Variants in NBAS observed in about 807,000 individuals in gnomAD.
The protein encoded by NBAS is NBAS subunit of NRZ tethering complex, also known as NAG/BC035112 fusion.
NBAS carries 219 observed loss-of-function variants against 302.5 expected under a neutral mutation model. The ratio of observed to expected loss-of-function variants is 0.72; its 90% CI spans 0.65 to 0.81. NBAS has a LOEUF of 0.81. Among genes scored for constraint, NBAS ranks in the 30% least tolerant of loss-of-function variants. The pLI is 0.00. For synonymous variants in NBAS, 1,118 were observed against 1,021.6 expected (o/e 1.09, Z -1.80); for missense variants, 2,932 against 2,841.6 (o/e 1.03, Z -0.72).
At chr2:15,303,379 T>C (rs574661053) in intron 40 of NBAS, among the ~76,000 whole-genome samples, 37 of 152,282 alleles carry the variant, frequency 2.4e-4, no homozygotes, top group African/African-American at 8.7e-4. Context: ...GTAGGTACTC[T>C]AACGCTGAAT....
intron 24 of NBAS, among the ~76,000 whole-genome samples, chr2:15,416,761 A>T (rs191961620): frequency 6.6e-6 from 1 of 151,202 alleles, no homozygotes; most frequent in East Asian, 1.9e-4. Context: ...AGCCAAGATC[A>T]CGTCACTGCA....
intron 33 of NBAS, among the ~76,000 whole-genome samples, chr2:15,355,175 T>C (rs1673553668): frequency 1.3e-5 from 2 of 152,228 alleles, no homozygotes; most frequent in Non-Finnish European, 2.9e-5. Context: ...TGAGTCACCA[T>C]GAAGTGAAGC....
the NBAS span, among the ~76,000 whole-genome samples, chr2:14,994,726 C>T: frequency 2.6e-4 from 39 of 152,296 alleles, no homozygotes; most frequent in African/African-American, 8.9e-4. Context: ...AACCTTAACC[C>T]GTTACCTGTC....
the NBAS span, among the ~76,000 whole-genome samples, chr2:15,157,345 T>C: frequency 6.6e-6 from 1 of 152,122 alleles, no homozygotes; most frequent in African/African-American, 2.4e-5. Flanking sequence ...GAATGAAGAA[T>C]GCAGAATTAT....
the NBAS span, among the ~76,000 whole-genome samples, chr2:14,838,859 G>A: frequency 6.6e-6 from 1 of 151,914 alleles, no homozygotes; most frequent in Non-Finnish European, 1.5e-5. Flanking sequence ...AAAATTCATT[G>A]AATTTGGCAA....
At chr2:15,472,945 G>T (rs1334911965) in intron 16 of NBAS, among the ~76,000 whole-genome samples, 3 of 152,218 alleles carry the variant, frequency 2.0e-5, no homozygotes, top group Admixed American at 6.5e-5. Flanking sequence ...CAGGTAAAGA[G>T]AAGTGATTGT....
intron 28 of NBAS, among the ~76,000 whole-genome samples, chr2:15,384,602 T>C (rs1675200069): frequency 6.6e-6 from 1 of 152,118 alleles, no homozygotes; most frequent in African/African-American, 2.4e-5. Context: ...TCTTGTTTTT[T>C]TATTTTTTAA....
At chr2:14,826,158 G>A in the NBAS span, among the ~76,000 whole-genome samples, 1 of 152,162 alleles carries the variant, frequency 6.6e-6, no homozygotes, top group Non-Finnish European at 1.5e-5. Flanking sequence ...CAAGTTCAGG[G>A]CTTCTCACTG....
chr2:15,034,223 GGAAAGAAA>G, the NBAS span, among the ~76,000 whole-genome samples: 8 of 20,178 alleles, frequency 4.0e-4, no homozygotes, highest in South Asian at 8.5e-3. Context: ...AGAAAGAGAG[GGAAAGAAA>G]GAAGGAAAGA....
At chr2:14,795,273 T>A in the NBAS span, among the ~76,000 whole-genome samples, 1 of 152,196 alleles carries the variant, frequency 6.6e-6, no homozygotes, top group East Asian at 1.9e-4. Context: ...CCTAGTATCG[T>A]CAGTCTTTTA....
At chr2:14,979,726 C>A in the NBAS span, among the ~76,000 whole-genome samples, 1 of 152,064 alleles carries the variant, frequency 6.6e-6, no homozygotes, top group Non-Finnish European at 1.5e-5. Flanking sequence ...CTGGCAACTC[C>A]TCATTATCTT....
the NBAS span, among the ~76,000 whole-genome samples, chr2:15,076,078 A>C: frequency 6.6e-6 from 1 of 152,078 alleles, no homozygotes. Context: ...CAAAATAAGC[A>C]CCTCTATTTG....
At chr2:15,560,048 A>G (rs1477170322) in intron 1 of NBAS, among the ~76,000 whole-genome samples, 1 of 152,186 alleles carries the variant, frequency 6.6e-6, no homozygotes, top group Non-Finnish European at 1.5e-5. Context: ...GGAAAAAAAT[A>G]CAAACTTTGG....
At chr2:15,354,984 G>T (rs934035651) in intron 33 of NBAS, among the ~76,000 whole-genome samples, 1 of 152,168 alleles carries the variant, frequency 6.6e-6, no homozygotes, top group Non-Finnish European at 1.5e-5. Context: ...CAGTTAGCCT[G>T]CTGGCTACAA....
intron 47 of NBAS, 129 bp from the exon 48 acceptor site, chr2:15,219,097 A>T: frequency 8.8e-7 from 1 of 1,138,464 alleles, no homozygotes; most frequent in South Asian, 1.5e-5. Flanking sequence ...TCTTGAAAGG[A>T]AAAATTTTGG....
At chr2:14,891,794 G>C in the NBAS span, among the ~76,000 whole-genome samples, 1 of 152,134 alleles carries the variant, frequency 6.6e-6, no homozygotes, top group African/African-American at 2.4e-5. Flanking sequence ...ACACTACAGC[G>C]CATGCCTTCA....
At chr2:15,394,565 T>C (rs1189720885) in intron 27 of NBAS, among the ~76,000 whole-genome samples, 1 of 152,122 alleles carries the variant, frequency 6.6e-6, no homozygotes, top group Non-Finnish European at 1.5e-5. Context: ...TATTAGAATG[T>C]AGTTGGGCTA....
chr2:14,939,620 C>T, the NBAS span, among the ~76,000 whole-genome samples: 2 of 152,224 alleles, frequency 1.3e-5, no homozygotes, highest in Non-Finnish European at 2.9e-5. Flanking sequence ...TGCATTCTGC[C>T]TCTTGGCCTC....
At chr2:15,513,688 T>C (rs918344169) in intron 9 of NBAS, among the ~76,000 whole-genome samples, 1 of 150,174 alleles carries the variant, frequency 6.7e-6, no homozygotes, top group African/African-American at 2.5e-5. Context: ...AGCAGATCAA[T>C]GAATTAAAAG....
Sources: allele counts gnomAD v4.1 joint callset (sites outside exome capture counted in the v4.1 genomes callset), GRCh38; gene constraint gnomAD v4.1.1; transcripts MANE v1.5; gene names NCBI Gene and HGNC (gene_info 2026-07-23, HGNC 2026-07-21).